BPIFB6: variants seen among roughly 807,000 people sequenced by gnomAD.
The protein encoded by BPIFB6 is BPI fold-containing family B member 6.
BPIFB6 carries 47 observed loss-of-function variants against 54.7 expected under a neutral mutation model. The observed-to-expected ratio is 0.86, with a 90% CI of 0.68 to 1.10. BPIFB6 has a LOEUF of 1.10. Among genes scored for constraint, BPIFB6 ranks in the 50% least tolerant of loss-of-function variants. The pLI is 0.00. For synonymous variants in BPIFB6, 255 were observed against 225.9 expected, an observed-to-expected ratio of 1.13 and a Z score of -1.16; for missense variants, 603 against 564.1, an observed-to-expected ratio of 1.07 and a Z score of -0.70.
chr20:33,033,658 T>C (rs1184465062), intron 2 of BPIFB6: 2 of 456,494 alleles, frequency 4.4e-6, no homozygotes, highest in East Asian at 1.4e-4. Flanking sequence ...CAACTGGTGA[T>C]TCTCAAACAG....
chr20:33,039,615 C>T, intron 10 of BPIFB6, 95 bp downstream of exon 10: 1 of 1,292,796 alleles, frequency 7.7e-7, no homozygotes, highest in South Asian at 1.5e-5. Context: ...AGTCATGGAT[C>T]AGAGGGATCA....
Position 33,035,143 on chromosome 20 carries a change from T to C in BPIFB6, c.515T>C (p.Leu172Pro). 1 of 1,613,788 alleles carries C rather than the reference T, an allele frequency of 6.2e-7. No individual in the cohort carries two copies. Residue 172 changes from leucine to proline, a missense_variant and splice_region_variant, in exon 5 of 15, where the codon CTG (leucine) becomes CCG (proline). Coordinates refer to ENST00000349552, the MANE Select transcript of BPIFB6 (RefSeq NM_174897.2). ...DSTLHKVLPGLMCPAIDAVLV... is the reference protein window; with the variant it reads ...DSTLHKVLPGPMCPAIDAVLV... ...ACCCTGCACAAAGTCCTCCCTGGGC[T>C]GGTGAGTGACCCAGAGAAAGCCTCC...
intron 7 of BPIFB6, among the ~76,000 whole-genome samples, chr20:33,037,310 G>A (rs1979384873): frequency 6.6e-6 from 1 of 152,188 alleles, no homozygotes; most frequent in African/African-American, 2.4e-5. Context: ...AGCAACTGAG[G>A]CTACTAAAGC....
chr20:33,036,202 AG>A (rs1979335144), intron 6 of BPIFB6, among the ~76,000 whole-genome samples: 2 of 152,172 alleles, frequency 1.3e-5, no homozygotes, highest in Admixed American at 1.3e-4. Flanking sequence ...GTCTGTTGCA[AG>A]GTCCAAGCAG....
At position 33,043,307 on chromosome 20, in the gene BPIFB6, G is replaced by T. The variant is rs779561896; in HGVS notation, c.1269G>T (p.Gly423=). Residue 423 remains glycine, a synonymous_variant, in exon 14 of 15, where the codon GGG becomes GGT. Transcript: ENST00000349552. ...IPVVNDVLQV[G]LPLPDFLAMN... is the part of the protein sequence containing the mutation. Reference sequence around the variant, plus strand: ...ATTTCTCAGATGTGCTTCAAGTGGGGCTCCCACTCCCGGACTTTCTGGCCA... The same window carrying T: ...ATTTCTCAGATGTGCTTCAAGTGGGTCTCCCACTCCCGGACTTTCTGGCCA... 10 of 1,614,006 alleles carry T rather than the reference G, an allele frequency of 6.2e-6. No individual in the cohort carries two copies. The South Asian group carries it at 1.1e-4, about 18-fold the overall frequency.
At chr20:33,037,536 A>C in intron 7 of BPIFB6, 26 bp from the exon 8 acceptor site, 1 of 1,585,852 alleles carries the variant, frequency 6.3e-7, no homozygotes, top group Non-Finnish European at 8.6e-7. Flanking sequence ...GCCAAGGCTG[A>C]GTGTCTCCCT....
At chr20:33,032,323 C>T (rs1056839348) in intron 1 of BPIFB6, among the ~76,000 whole-genome samples, 1 of 152,172 alleles carries the variant, frequency 6.6e-6, no homozygotes, top group Admixed American at 6.5e-5. Flanking sequence ...TGTTTGTGCC[C>T]TCTCTGGAAT....
chr20:33,037,946 A>G (rs1979415380), intron 8 of BPIFB6, among the ~76,000 whole-genome samples: 1 of 152,158 alleles, frequency 6.6e-6, no homozygotes, highest in Non-Finnish European at 1.5e-5. Context: ...CTGTACATCC[A>G]TCAGTCCGTA....
In BPIFB6 at chr20:33,039,515, G is replaced by C. The variant is rs773409886; in HGVS notation, c.1069G>C (p.Glu357Gln). 2 of 1,604,808 alleles carry C rather than the reference G, an allele frequency of 1.2e-6. No homozygotes were observed. The highest frequency in any genetic ancestry group is 1.7e-5 in the Admixed American group (1 of 58,216). The part of the protein sequence containing the change: ...SKAPMSLFLL[E>Q]VHFNLKVQYS... ...GGCTCCAATGTCCCTCTTTCTCCTA[G>C]AAGTGGTGAGGGAAATCGTTCCCTT... Residue 357 changes from glutamate to glutamine, a missense_variant, in exon 10 of 15, where the codon GAA becomes CAA. Coordinates refer to ENST00000349552, the MANE Select transcript of BPIFB6 (RefSeq NM_174897.2).
intron 14 of BPIFB6, 76 bp from the exon 15 acceptor site, chr20:33,043,939 G>A (rs1196622539): frequency 3.2e-6 from 5 of 1,555,962 alleles, no homozygotes; most frequent in Non-Finnish European, 4.4e-6. Flanking sequence ...TTCCTGACAA[G>A]GGGCCCAGTT....
At chr20:33,044,065 T>C (rs2146370397), downstream of BPIFB6, 1 of 1,614,102 alleles carries the variant, frequency 6.2e-7, no homozygotes, top group Non-Finnish European at 8.5e-7. Context: ...AGGACTCCCC[T>C]GCCAGCTGCC....
chr20:33,042,483 C>T (rs1194962174), intron 12 of BPIFB6, among the ~76,000 whole-genome samples: 4 of 152,192 alleles, frequency 2.6e-5, no homozygotes, highest in African/African-American at 9.7e-5. Flanking sequence ...AGCTATAGAG[C>T]GGTGGTAAGT....
At chr20:33,036,896 C>G (rs575497604) in intron 7 of BPIFB6, among the ~76,000 whole-genome samples, 1 of 152,266 alleles carries the variant, frequency 6.6e-6, no homozygotes, top group African/African-American at 2.4e-5. Context: ...AGCAAGACAG[C>G]ACAAGGCAGG....
At chr20:33,039,263 A>T (rs1289604014) in intron 9 of BPIFB6, 84 bp from the exon 10 acceptor site, 45 of 1,362,140 alleles carry the variant, frequency 3.3e-5, no homozygotes, top group Non-Finnish European at 4.4e-5. Flanking sequence ...CGTAGAAATC[A>T]CCTATGTCTT....
In BPIFB6 at chr20:33,034,119, A is replaced by G. The variant is rs1979220804; in HGVS notation, c.198-67A>G. ...CGAAAGTCTTCCCAGTAAAGTGGTGAAGTGGGTGGAGGTCCTGGGTCTTGC... is the reference window on the plus strand; with the variant it reads ...CGAAAGTCTTCCCAGTAAAGTGGTGGAGTGGGTGGAGGTCCTGGGTCTTGC... On this transcript the variant is annotated intron_variant, in intron 2 of 14. Transcript: ENST00000349552. 3.6e-6 allele frequency: 4 copies of G among 1,100,366 alleles called. No homozygotes were observed. In the African/African-American group the frequency reaches 4.6e-5, roughly 13 times the overall value. The allele number at this position is 1,100,366 out of a possible 1,614,324, so 68.2% of individuals were successfully genotyped here. A position where few individuals can be genotyped will look rare whatever the true frequency, so the allele number is the denominator to read the frequency against.
At position 33,040,320 on chromosome 20, in the gene BPIFB6, T is replaced by C. The variant is rs750095881; in HGVS notation, c.1142+2T>C. 4.3e-6 allele frequency: 7 copies of C among 1,613,828 alleles called. No individual in the cohort carries two copies. The South Asian group carries it at 6.6e-5, about 15-fold the overall frequency. ...GCAGATGGCCACTTCTTTGGACAGG[T>C]ACGACCCTGCTGCCCAATGCTGGCA... On this transcript the variant is annotated splice_donor_variant, in intron 11 of 14. Transcript: ENST00000349552. LOFTEE classifies it high-confidence loss of function.
At chr20:33,041,911 C>T (rs1600527660) in intron 11 of BPIFB6, 59 bp from the exon 12 acceptor site, 1 of 1,531,640 alleles carries the variant, frequency 6.5e-7, no homozygotes, top group Non-Finnish European at 9.0e-7. Context: ...GCGCCAGGGC[C>T]ACTGGCTCTG....
intron 11 of BPIFB6, among the ~76,000 whole-genome samples, chr20:33,041,292 C>T (rs942859727): frequency 1.3e-5 from 2 of 152,188 alleles, no homozygotes; most frequent in South Asian, 2.1e-4. Flanking sequence ...CCCGGCCTAA[C>T]TTTAGGGGTA....
rs1328300482 is a variant in BPIFB6 at position 33,034,870 on chromosome 20, G to A, written c.410G>A (p.Cys137Tyr). The A allele has an allele frequency of 1.2e-6, 2 of 1,613,632 alleles. No homozygotes were observed. The highest frequency in any genetic ancestry group is 2.2e-5 in the South Asian group (2 of 91,054). The change falls in exon 4 of 15, where the codon TGT becomes TAT. Residue 137 changes from cysteine (C) to tyrosine (Y), a missense_variant. Cys to Tyr is a radical substitution (Grantham distance 194). Coordinates refer to ENST00000349552, the MANE Select transcript of BPIFB6 (RefSeq NM_174897.2). ...CTCCCCGTGTTCAAGAGTGAGGGCT[G>A]TGAGGTCATCCTGGTCAATGTGAAG... is the stretch of plus-strand genomic sequence containing the variant. ...TGLPVFKSEG[C>Y]EVILVNVKTN...
Sources: gnomAD v4.1 joint callset for allele counts (sites outside exome capture counted in the v4.1 genomes callset) on GRCh38, gnomAD v4.1.1 for gene constraint, MANE v1.5 for transcripts, NCBI Gene and HGNC (gene_info 2026-07-23, HGNC 2026-07-21) for gene names.